ZFHX3: variants seen among roughly 807,000 people sequenced by gnomAD.
ZFHX3 encodes zinc finger homeobox 3, also known as zinc finger homeobox protein 3.
A neutral mutation model predicts 279.1 loss-of-function variants in ZFHX3; 42 were observed. The observed-to-expected ratio is 0.15, with a 90% CI of 0.12 to 0.19. The LOEUF (loss-of-function observed/expected upper bound fraction) is 0.19. Among genes scored for constraint, ZFHX3 ranks in the 10% least tolerant of loss-of-function variants. The probability of loss-of-function intolerance (pLI) is 1.00; values close to 1 mark genes in which losing one functional copy is unlikely to be tolerated. For missense variants in ZFHX3, 4,981 were observed against 4,754.0 expected, an observed-to-expected ratio of 1.05 and a Z score of -1.40; for synonymous variants, 2,293 against 1,957.8, an observed-to-expected ratio of 1.17 and a Z score of -4.52.
intron 1 of ZFHX3, among the ~76,000 whole-genome samples, chr16:73,029,392 TA>T (rs1209034998): frequency 6.6e-6 from 1 of 152,120 alleles, no homozygotes; most frequent in Non-Finnish European, 1.5e-5. Flanking sequence ...CTCCTTCTAC[TA>T]AAGGGGACAC....
At chr16:73,677,879 G>C (rs957534684) in intron 2 of ZFHX3, among the ~76,000 whole-genome samples, 8 of 151,794 alleles carry the variant, frequency 5.3e-5, no homozygotes, top group African/African-American at 1.9e-4. Flanking sequence ...GTTTATTTCT[G>C]GTACATAAGG....
chr16:73,236,379 C>G (rs1438451289), intron 5 of ZFHX3, among the ~76,000 whole-genome samples: 1 of 152,194 alleles, frequency 6.6e-6, no homozygotes, highest in African/African-American at 2.4e-5. Context: ...AGGTGGATCG[C>G]TTGAGATCAG....
rs143428236 is a variant in ZFHX3, at chr16:73,804,399, G to A, written c.-1608+87252C>T. Among the ~76,000 whole-genome samples, 349 of 152,268 alleles carry A rather than the reference G, an allele frequency of 2.3e-3. 2 individuals carry two copies. Among genetic ancestry groups the A allele is most frequent in the African/African-American group, 7.9e-3 (329 of 41,552 alleles). On this transcript the variant is annotated intron_variant, in intron 1 of 17. Coordinates refer to the ZFHX3 transcript ENST00000641206. Reference sequence around the variant, plus strand: ...TGGCAAGCCACCCAAGGATGGCCACGCAGTCCAAAATGGCACCTCTCACAT... The same window carrying A: ...TGGCAAGCCACCCAAGGATGGCCACACAGTCCAAAATGGCACCTCTCACAT...
intron 1 of ZFHX3, among the ~76,000 whole-genome samples, chr16:73,034,221 T>C (rs919773384): frequency 6.6e-6 from 1 of 152,040 alleles, no homozygotes; most frequent in African/African-American, 2.4e-5. Context: ...CCTCCTCCAA[T>C]GGGAGACGCC....
chr16:72,821,575 G>A (rs1351942690), intron 5 of ZFHX3, among the ~76,000 whole-genome samples: 2 of 152,170 alleles, frequency 1.3e-5, no homozygotes, highest in Non-Finnish European at 2.9e-5. Context: ...GTTTGCCTAA[G>A]GCCAAGTTCT....
chr16:73,540,254 C>T (rs967162514), intron 2 of ZFHX3, among the ~76,000 whole-genome samples: 4 of 152,236 alleles, frequency 2.6e-5, no homozygotes, highest in South Asian at 2.1e-4. Flanking sequence ...ATGGGCTAGG[C>T]GAAGTCCTAG....
chr16:73,440,777 G>A (rs1484764778), intron 3 of ZFHX3, among the ~76,000 whole-genome samples: 2 of 152,168 alleles, frequency 1.3e-5, no homozygotes, highest in Non-Finnish European at 2.9e-5. Flanking sequence ...CTCAAAATCT[G>A]TTTAGCTGAA....
At chr16:73,174,266 A>AAAC (rs140975222) in intron 5 of ZFHX3, among the ~76,000 whole-genome samples, 24,413 of 148,926 alleles carry the variant, frequency 0.16, 2,184 homozygotes, top group Non-Finnish European at 0.21. Context: ...TGTTCACACA[A>AAAC]AACAACAACA....
chr16:73,625,921 G>A (rs985375108), intron 2 of ZFHX3, among the ~76,000 whole-genome samples: 3 of 152,122 alleles, frequency 2.0e-5, no homozygotes, highest in African/African-American at 7.2e-5. Flanking sequence ...TCAGCGGCAC[G>A]ATCTCTGCTC....
At chr16:73,467,673 T>C (rs573005996) in intron 2 of ZFHX3, among the ~76,000 whole-genome samples, 1 of 152,348 alleles carries the variant, frequency 6.6e-6, no homozygotes, top group South Asian at 2.1e-4. Context: ...TGTTTTGTTT[T>C]AACTTCTCTA....
intron 4 of ZFHX3, among the ~76,000 whole-genome samples, chr16:72,833,214 G>A (rs2037106014): frequency 6.6e-6 from 1 of 152,232 alleles, no homozygotes; most frequent in Non-Finnish European, 1.5e-5. Context: ...CTTTGAAACA[G>A]AGATCTGCGT....
intron 1 of ZFHX3, among the ~76,000 whole-genome samples, chr16:73,820,237 C>T (rs1960696956): frequency 6.6e-6 from 1 of 152,046 alleles, no homozygotes; most frequent in Admixed American, 6.6e-5. Flanking sequence ...CTACAGGCGC[C>T]CACCACCACA....
intron 1 of ZFHX3, among the ~76,000 whole-genome samples, chr16:73,781,765 A>G (rs748878059): frequency 6.6e-6 from 1 of 152,130 alleles, no homozygotes; most frequent in Admixed American, 6.6e-5. Context: ...AAGGTGGGCG[A>G]ATCACGAGGT....
At chr16:73,802,041 AGT>A (rs1251958503) in intron 1 of ZFHX3, among the ~76,000 whole-genome samples, 2 of 152,240 alleles carry the variant, frequency 1.3e-5, no homozygotes, top group Non-Finnish European at 2.9e-5. Flanking sequence ...TATGAAGGAC[AGT>A]GTGTCAGTCC....
intron 5 of ZFHX3, among the ~76,000 whole-genome samples, chr16:72,813,617 C>A (rs2036523570): frequency 6.6e-6 from 1 of 152,152 alleles, no homozygotes; most frequent in Non-Finnish European, 1.5e-5. Flanking sequence ...CAAGGACGAG[C>A]ATATTACACA....
chr16:73,877,686 G>T (rs1462161296), intron 1 of ZFHX3, among the ~76,000 whole-genome samples: 3 of 152,084 alleles, frequency 2.0e-5, no homozygotes, highest in Non-Finnish European at 4.4e-5. Flanking sequence ...ATTACCAAAT[G>T]ACTATCAGGG....
chr16:72,873,139 C>T (rs1025187756), intron 4 of ZFHX3, among the ~76,000 whole-genome samples: 1 of 152,206 alleles, frequency 6.6e-6, no homozygotes, highest in Non-Finnish European at 1.5e-5. Context: ...CCCTGTTAAC[C>T]TTCAATGGGC....
intron 1 of ZFHX3, among the ~76,000 whole-genome samples, chr16:73,784,285 T>C (rs762505070): frequency 1.3e-5 from 2 of 151,930 alleles, no homozygotes; most frequent in Non-Finnish European, 2.9e-5. Context: ...GATTAAACGA[T>C]AAAATACATA....
intron 2 of ZFHX3, among the ~76,000 whole-genome samples, chr16:73,560,059 A>T (rs528452138): frequency 6.6e-6 from 1 of 151,696 alleles, no homozygotes; most frequent in African/African-American, 2.4e-5. Context: ...CTGAGGGGGG[A>T]AAAAAAACCC....
Sources: allele counts gnomAD v4.1 joint callset (sites outside exome capture counted in the v4.1 genomes callset), GRCh38; gene constraint gnomAD v4.1.1; transcripts MANE v1.5; gene names NCBI Gene and HGNC (gene_info 2026-07-23, HGNC 2026-07-21).